HPSE2: variants seen among roughly 807,000 people sequenced by gnomAD.
HPSE2 encodes heparanase 2 (inactive), also known as inactive heparanase-2.
Under a neutral mutation model 60.5 loss-of-function variants are expected in HPSE2, and 38 were observed. The observed-to-expected ratio is 0.63, with a 90% CI of 0.48 to 0.82. The LOEUF (loss-of-function observed/expected upper bound fraction) is 0.82. HPSE2 is among the 40% of genes least tolerant of loss of function. HPSE2 has a pLI of 0.00. For synonymous variants in HPSE2, 295 were observed against 293.2 expected, an observed-to-expected ratio of 1.01 and a Z score of -0.06; for missense variants, 713 against 740.4, an observed-to-expected ratio of 0.96 and a Z score of 0.43.
At chr10:98,803,108 A>G (rs940341330) in intron 3 of HPSE2, among the ~76,000 whole-genome samples, 8 of 151,754 alleles carry the variant, frequency 5.3e-5, no homozygotes, top group Non-Finnish European at 8.8e-5. Context: ...TTTTGGCTGC[A>G]TATATGTCTT....
At chr10:99,269,305 T>A in the HPSE2 span, among the ~76,000 whole-genome samples, 1 of 152,078 alleles carries the variant, frequency 6.6e-6, no homozygotes, top group African/African-American at 2.4e-5. Context: ...AAGTGACTAT[T>A]CTCATATCAG....
At chr10:98,888,550 C>A (rs963263082) in intron 3 of HPSE2, among the ~76,000 whole-genome samples, 1 of 152,134 alleles carries the variant, frequency 6.6e-6, no homozygotes, top group African/African-American at 2.4e-5. Flanking sequence ...CAATTAACTT[C>A]TCTGGGCTTC....
At chr10:99,137,209 G>A (rs1286495677) in intron 3 of HPSE2, among the ~76,000 whole-genome samples, 1 of 152,136 alleles carries the variant, frequency 6.6e-6, no homozygotes, top group East Asian at 1.9e-4. Flanking sequence ...TCTTCAAGGA[G>A]AACTACAAAC....
intron 3 of HPSE2, among the ~76,000 whole-genome samples, chr10:98,989,661 A>G (rs894432803): frequency 1.5e-5 from 2 of 136,916 alleles, no homozygotes; most frequent in African/African-American, 5.0e-5. Context: ...AAAAAAAAGA[A>G]AAAAAACTCA....
intron 11 of HPSE2, among the ~76,000 whole-genome samples, chr10:98,475,844 A>C (rs1940990333): frequency 6.6e-6 from 1 of 152,212 alleles, no homozygotes; most frequent in African/African-American, 2.4e-5. Flanking sequence ...AGAACTTTTA[A>C]AAGGGTCTGA....
intron 2 of HPSE2, among the ~76,000 whole-genome samples, chr10:99,171,689 T>C (rs1847315904): frequency 6.6e-6 from 1 of 152,200 alleles, no homozygotes; most frequent in Admixed American, 6.5e-5. Flanking sequence ...GAATCTGGTA[T>C]ATGAACATCC....
the HPSE2 span, among the ~76,000 whole-genome samples, chr10:99,263,985 T>C: frequency 2.6e-5 from 4 of 152,278 alleles, no homozygotes; most frequent in East Asian, 1.9e-4. Flanking sequence ...CTCACTCTTA[T>C]TCTCGTTCCC....
rs1565147589 is a variant in HPSE2, at chr10:98,765,523, T to C, written c.611-21467A>G. ...AGCCAAAGCAGTGCTTACAGGAAAATTGATAGCAAAAAATGCTCTTATTTA... is the reference window on the plus strand; with the variant it reads ...AGCCAAAGCAGTGCTTACAGGAAAACTGATAGCAAAAAATGCTCTTATTTA... On this transcript the variant is annotated intron_variant, in intron 3 of 11. Coordinates refer to ENST00000370552, the MANE Select transcript of HPSE2 (RefSeq NM_021828.5). 3.3e-5 allele frequency among the ~76,000 whole-genome samples: 5 copies of C among 152,086 alleles called. No homozygotes were observed. In the South Asian group the frequency reaches 1.0e-3, roughly 32 times the overall value.
intron 9 of HPSE2, among the ~76,000 whole-genome samples, chr10:98,564,723 G>A (rs1055792826): frequency 6.6e-6 from 1 of 152,204 alleles, no homozygotes; most frequent in Non-Finnish European, 1.5e-5. Context: ...ATTTTAGGGG[G>A]TTTATAAATG....
At chr10:98,762,705 C>T (rs1950033151) in intron 3 of HPSE2, among the ~76,000 whole-genome samples, 1 of 54,318 alleles carries the variant, frequency 1.8e-5, no homozygotes, top group South Asian at 5.9e-4. Context: ...CCACATTGAT[C>T]CCATACTTTT....
chr10:98,815,528 G>C (rs1253317021), intron 3 of HPSE2, among the ~76,000 whole-genome samples: 2 of 152,212 alleles, frequency 1.3e-5, no homozygotes, highest in Non-Finnish European at 2.9e-5. Flanking sequence ...TACAGCACTT[G>C]TAGTTTGGGA....
intron 3 of HPSE2, among the ~76,000 whole-genome samples, chr10:98,889,305 C>T (rs777413829): frequency 6.6e-6 from 1 of 152,098 alleles, no homozygotes; most frequent in Non-Finnish European, 1.5e-5. Context: ...ACCTCAGCCT[C>T]CCGAGTAGCT....
chr10:98,958,000 C>G (rs1395881949), intron 3 of HPSE2, among the ~76,000 whole-genome samples: 1 of 152,124 alleles, frequency 6.6e-6, no homozygotes, highest in Non-Finnish European at 1.5e-5. Flanking sequence ...AAGGGAACAG[C>G]TGGAGAGGTT....
chr10:98,885,231 A>G (rs1953132233), intron 3 of HPSE2, among the ~76,000 whole-genome samples: 1 of 152,138 alleles, frequency 6.6e-6, no homozygotes, highest in Non-Finnish European at 1.5e-5. Context: ...TGAATATGTG[A>G]CTGAATTGCA....
At chr10:98,804,449 T>A (rs1248889039) in intron 3 of HPSE2, among the ~76,000 whole-genome samples, 1 of 151,932 alleles carries the variant, frequency 6.6e-6, no homozygotes, top group Admixed American at 6.6e-5. Context: ...AATCTAAAAA[T>A]TTAATTTTAA....
At chr10:98,561,226 G>A (rs1278236461) in intron 9 of HPSE2, among the ~76,000 whole-genome samples, 1 of 150,664 alleles carries the variant, frequency 6.6e-6, no homozygotes, top group Non-Finnish European at 1.5e-5. Context: ...GAGTGCAGTG[G>A]CATGATCTCG....
At chr10:98,594,126 A>G (rs1368688507) in intron 9 of HPSE2, among the ~76,000 whole-genome samples, 1 of 152,196 alleles carries the variant, frequency 6.6e-6, no homozygotes, top group Non-Finnish European at 1.5e-5. Context: ...TAACATATGT[A>G]TTAGCTCACA....
intron 7 of HPSE2, among the ~76,000 whole-genome samples, chr10:98,621,836 G>A (rs889958145): frequency 3.9e-5 from 6 of 152,226 alleles, no homozygotes; most frequent in East Asian, 1.9e-4. Context: ...GAGGTACTAC[G>A]TAGTACACTG....
chr10:99,155,113 G>A (rs1370638493), intron 2 of HPSE2, among the ~76,000 whole-genome samples: 1 of 139,278 alleles, frequency 7.2e-6, no homozygotes, highest in Non-Finnish European at 1.6e-5. Flanking sequence ...CAAGTCCTGA[G>A]TGACCTACAA....
Sources: allele counts gnomAD v4.1 joint callset (sites outside exome capture counted in the v4.1 genomes callset), GRCh38; gene constraint gnomAD v4.1.1; transcripts MANE v1.5; gene names NCBI Gene and HGNC (gene_info 2026-07-23, HGNC 2026-07-21).